The following TAF1A variants were observed in gnomAD, a reference collection of about 807,000 sequenced individuals.
TAF1A encodes TATA-box binding protein associated factor, RNA polymerase I subunit A.
Under a neutral mutation model 61.6 loss-of-function variants are expected in TAF1A, and 42 were observed. The observed-to-expected ratio is 0.68, with a 90% CI of 0.53 to 0.88. TAF1A has a LOEUF of 0.88. Among genes scored for constraint, TAF1A ranks in the 40% least tolerant of loss-of-function variants. The pLI is 0.00. For synonymous variants in TAF1A, 179 were observed against 177.7 expected, an observed-to-expected ratio of 1.01 and a Z score of -0.06; for missense variants, 424 against 518.7, an observed-to-expected ratio of 0.82 and a Z score of 1.77.
Position 222,583,837 on chromosome 1 carries a change from CAAAA to C in TAF1A, c.291+287_291+290del, listed in dbSNP as rs200580139. The stretch of plus-strand genomic sequence containing the variant: ...CTGGCGACAGAGCAAGACTCCGTCT[CAAAA>C]AAAAAAAAAAAAGATAGAATAACAA... On this transcript the variant is annotated intron_variant, in intron 3 of 10. Coordinates refer to ENST00000352967, the MANE Select transcript of TAF1A (RefSeq NM_005681.4). Among the ~76,000 whole-genome samples the C allele has an allele frequency of 5.2e-3, 466 of 90,070 alleles. 14 individuals are homozygous for C. The East Asian group carries it at 0.12, about 24-fold the overall frequency. The allele number at this position is 90,070 out of a possible 152,430, so 59.1% of individuals were successfully genotyped here.
At chr1:222,559,947 T>C (rs1659848022) in intron 10 of TAF1A, among the ~76,000 whole-genome samples, 1 of 152,156 alleles carries the variant, frequency 6.6e-6, no homozygotes, top group African/African-American at 2.4e-5. Flanking sequence ...TGTACCTATA[T>C]AGAAAGCTGG....
chr1:222,554,659 A>G (rs1352146052), downstream of TAF1A, among the ~76,000 whole-genome samples: 1 of 152,052 alleles, frequency 6.6e-6, no homozygotes, highest in Non-Finnish European at 1.5e-5. Flanking sequence ...GTTTCTATTT[A>G]TTGAGAAAAA....
intron 6 of TAF1A, 75 bp downstream of exon 6, chr1:222,570,460 A>T (rs1455437109): frequency 1.5e-6 from 2 of 1,351,818 alleles, no homozygotes; most frequent in Non-Finnish European, 2.0e-6. Context: ...TCTGATCAAT[A>T]AAGATTAGGC....
chr1:222,564,695 T>C (rs888522223), intron 7 of TAF1A, among the ~76,000 whole-genome samples: 31 of 152,264 alleles, frequency 2.0e-4, no homozygotes, highest in African/African-American at 7.5e-4. Flanking sequence ...AAGGACTATT[T>C]TTATGAATAT....
intron 8 of TAF1A, among the ~76,000 whole-genome samples, chr1:222,563,789 T>C (rs983065174): frequency 1.1e-4 from 17 of 152,212 alleles, no homozygotes; most frequent in African/African-American, 4.1e-4. Flanking sequence ...GCCTTCACAT[T>C]GTGTAACAGG....
At position 222,588,511 on chromosome 1, in the gene TAF1A, ACTT is replaced by A. The variant is rs769632785; in HGVS notation, c.50_52del (p.Glu17del). The A allele has an allele frequency of 1.6e-5, 26 of 1,613,886 alleles. No individual in the cohort carries two copies. In the East Asian group the frequency reaches 5.3e-4, roughly 33 times the overall value. The stretch of plus-strand genomic sequence containing the variant: ...TGCACCACTGAGCACAGATGTTTCC[ACTT>A]CTTCATCATCTGTCACAGGCCCTTT... On this transcript the variant is annotated inframe_deletion, in exon 2 of 11. Transcript: ENST00000352967.
chr1:222,586,027 G>A (rs1452456517), intron 2 of TAF1A, among the ~76,000 whole-genome samples: 2 of 152,160 alleles, frequency 1.3e-5, no homozygotes, highest in Admixed American at 6.5e-5. Context: ...AAAACTAGGG[G>A]ATACAAAAGT....
At chr1:222,556,697 G>A (rs1203069431), downstream of TAF1A, among the ~76,000 whole-genome samples, 2 of 152,184 alleles carry the variant, frequency 1.3e-5, no homozygotes, top group Non-Finnish European at 2.9e-5. Context: ...AACATTTGAT[G>A]TAAAAATGTT....
intron 7 of TAF1A, among the ~76,000 whole-genome samples, chr1:222,566,030 C>A (rs1660103985): frequency 1.3e-5 from 2 of 152,170 alleles, no homozygotes; most frequent in Non-Finnish European, 2.9e-5. Flanking sequence ...TTTTCTCTAT[C>A]ATTTCTTTAG....
chr1:222,570,954 CTT>C (rs1571808398), intron 5 of TAF1A, among the ~76,000 whole-genome samples: 1 of 151,954 alleles, frequency 6.6e-6, no homozygotes, highest in East Asian at 1.9e-4. Flanking sequence ...CTGCAAAAAT[CTT>C]TAACAAAAAT....
Position 222,569,646 on chromosome 1 carries a change from C to A in TAF1A, c.758G>T (p.Arg253Leu), listed in dbSNP as rs373489302. The change falls in exon 7 of 11, where the codon CGA (arginine) becomes CTA (leucine). Residue 253 changes from arginine to leucine, a missense_variant. Transcript: ENST00000352967. ...YVEMLEFYGD[R>L]DGAQEVLTNY... is the part of the protein sequence containing the mutation. ...GGTGAGTACCTCTTGGGCTCCATCT[C>A]GATCCCCATAGAATTCCAGCATCTA... The A allele has an allele frequency of 6.2e-7, 1 of 1,613,236 alleles. No homozygotes were observed. Among genetic ancestry groups the A allele is most frequent in the Non-Finnish European group, 8.5e-7 (1 of 1,179,706 alleles).
rs577739888 is a variant in TAF1A at position 222,558,498 on chromosome 1, A to G, written c.*162T>C. On this transcript the variant is annotated 3_prime_UTR_variant, in exon 11 of 11. Coordinates refer to ENST00000352967, the MANE Select transcript of TAF1A (RefSeq NM_005681.4). ...AGTTACAAAGAGCAAAGGCAGTAATATTGTTTCTCTAGCTATAAATAATAC... is the reference window on the plus strand; with the variant it reads ...AGTTACAAAGAGCAAAGGCAGTAATGTTGTTTCTCTAGCTATAAATAATAC... 82 of 301,632 alleles carry G rather than the reference A, an allele frequency of 2.7e-4. No homozygotes were observed. Among genetic ancestry groups the G allele is most frequent in the African/African-American group, 1.7e-3 (80 of 46,354 alleles). The allele number at this position is 301,632 out of a possible 1,614,324, so 18.7% of individuals were successfully genotyped here. A position where few individuals can be genotyped will look rare whatever the true frequency, so the allele number is the denominator to read the frequency against.
intron 5 of TAF1A, among the ~76,000 whole-genome samples, chr1:222,575,263 G>A (rs1459830748): frequency 1.3e-5 from 2 of 152,090 alleles, no homozygotes; most frequent in East Asian, 3.9e-4. Context: ...GTTCACGCCT[G>A]TAATCCTAGC....
intron 3 of TAF1A, among the ~76,000 whole-genome samples, chr1:222,580,148 C>T (rs1660732062): frequency 6.6e-6 from 1 of 152,088 alleles, no homozygotes; most frequent in African/African-American, 2.4e-5. Flanking sequence ...AGTTAAGATA[C>T]ATATTTAATA....
At chr1:222,560,953 G>A (rs2102636279) in intron 10 of TAF1A, among the ~76,000 whole-genome samples, 1 of 152,008 alleles carries the variant, frequency 6.6e-6, no homozygotes. Flanking sequence ...TTAAGTGGAG[G>A]AAATGTTTCA....
rs148961634 is a variant in TAF1A at position 222,584,234 on chromosome 1, T to C, written c.185A>G (p.Gln62Arg). The change falls in exon 3 of 11, where the codon CAA (glutamine) becomes CGA (arginine). Residue 62 changes from glutamine (Q) to arginine (R), a missense_variant. Physicochemically the swap from Gln to Arg is conservative, Grantham distance 43. Transcript: ENST00000352967. The part of the protein sequence containing the change: ...QTTSACLSFI[Q>R]EALLKHQWQQ... The stretch of plus-strand genomic sequence containing the variant: ...CCATTGGTGCTTCAGCAGAGCTTCT[T>C]GGATAAAACTTAAACAAGCACTTGT... 8.3e-5 allele frequency: 134 copies of C among 1,612,524 alleles called. No homozygotes were observed. The highest frequency in any genetic ancestry group is 8.3e-4 in the Middle Eastern group (5 of 6,060).
chr1:222,564,947 A>T (rs1421475347), intron 7 of TAF1A, among the ~76,000 whole-genome samples: 4 of 152,198 alleles, frequency 2.6e-5, no homozygotes, highest in African/African-American at 9.6e-5. Context: ...TTGTCTCATG[A>T]TTTTATAGAA....
intron 7 of TAF1A, among the ~76,000 whole-genome samples, chr1:222,567,857 G>A (rs1476123872): frequency 3.3e-5 from 5 of 152,150 alleles, no homozygotes; most frequent in Admixed American, 2.6e-4. Context: ...AAGGCCACAT[G>A]AGATATTACT....
chr1:222,562,600 A>G (rs1659960093), intron 9 of TAF1A, among the ~76,000 whole-genome samples: 1 of 152,238 alleles, frequency 6.6e-6, no homozygotes, highest in Admixed American at 6.5e-5. Context: ...CAACTTTGTA[A>G]TATCCCTTCT....
Sources: allele counts gnomAD v4.1 joint callset (sites outside exome capture counted in the v4.1 genomes callset), GRCh38; gene constraint gnomAD v4.1.1; transcripts MANE v1.5; gene names NCBI Gene and HGNC (gene_info 2026-07-23, HGNC 2026-07-21).